The following TG variants were observed in gnomAD, a reference collection of about 807,000 sequenced individuals.
TG encodes thyroglobulin, also known as thyroid hormones.
TG carries 270 observed loss-of-function variants against 324.7 expected under a neutral mutation model. The ratio of observed to expected loss-of-function variants is 0.83; its 90% CI spans 0.75 to 0.92. TG has a LOEUF of 0.92. Among genes scored for constraint, TG ranks in the 40% least tolerant of loss-of-function variants. The pLI is 0.00. For missense variants in TG, 3,591 were observed against 3,456.4 expected (o/e 1.04, Z -0.98); for synonymous variants, 1,401 against 1,327.0 (o/e 1.06, Z -1.21).
chr8:133,124,762 T>G (rs1851394947), intron 45 of TG, among the ~76,000 whole-genome samples: 1 of 152,208 alleles, frequency 6.6e-6, no homozygotes, highest in Admixed American at 6.5e-5. Context: ...TGATAAGTTG[T>G]CCCAACCCTG....
chr8:133,054,831 G>A (rs1364352719), intron 41 of TG, among the ~76,000 whole-genome samples: 1 of 152,192 alleles, frequency 6.6e-6, no homozygotes, highest in Non-Finnish European at 1.5e-5. Context: ...AGGCCTTACG[G>A]GACTTAGTCA....
At chr8:132,963,620 A>G (rs184490408) in intron 29 of TG, among the ~76,000 whole-genome samples, 1 of 151,984 alleles carries the variant, frequency 6.6e-6, no homozygotes, top group Non-Finnish European at 1.5e-5. Context: ...TCAGCTGCTC[A>G]ATATGGGCTC....
intron 35 of TG, among the ~76,000 whole-genome samples, chr8:132,988,340 T>A (rs184872956): frequency 1.3e-5 from 2 of 152,210 alleles, no homozygotes; most frequent in South Asian, 2.1e-4. Context: ...GGGCACTGCA[T>A]GTGTGGAAGC....
chr8:132,892,663 A>G (rs1053953774), intron 10 of TG, among the ~76,000 whole-genome samples: 3 of 151,894 alleles, frequency 2.0e-5, no homozygotes, highest in Non-Finnish European at 2.9e-5. Flanking sequence ...TAGTGTGTGT[A>G]TGTGTGTGCT....
At chr8:133,038,709 T>C (rs777143092) in intron 41 of TG, 4 of 1,614,050 alleles carry the variant, frequency 2.5e-6, no homozygotes, top group Non-Finnish European at 2.5e-6. Context: ...CCAAGCGGGT[T>C]CTCTGTTCCC....
intron 40 of TG, 132 bp from the exon 41 acceptor site, chr8:133,029,689 T>C: frequency 6.6e-6 from 7 of 1,066,748 alleles, no homozygotes; most frequent in Non-Finnish European, 8.5e-6. Context: ...GAACCCACAG[T>C]CTCTACCTGT....
chr8:132,945,213 G>T (rs560473211), intron 26 of TG, among the ~76,000 whole-genome samples: 1 of 152,148 alleles, frequency 6.6e-6, no homozygotes, highest in Non-Finnish European at 1.5e-5. Flanking sequence ...AGAAACTGTC[G>T]CAGTAGTCCA....
chr8:133,020,190 C>G (rs1453210790), intron 39 of TG, among the ~76,000 whole-genome samples: 3 of 152,164 alleles, frequency 2.0e-5, no homozygotes, highest in African/African-American at 7.2e-5. Context: ...CGCCGTGTTC[C>G]AAAGCCAGTG....
chr8:133,112,320 T>C (rs1216601994), intron 43 of TG, among the ~76,000 whole-genome samples: 1 of 152,170 alleles, frequency 6.6e-6, no homozygotes, highest in Non-Finnish European at 1.5e-5. Context: ...TTACATAAGG[T>C]CCTAGAAATA....
At chr8:133,000,113 C>T (rs1281466149) in intron 35 of TG, among the ~76,000 whole-genome samples, 2 of 152,210 alleles carry the variant, frequency 1.3e-5, no homozygotes, top group East Asian at 1.9e-4. Flanking sequence ...AGAGCTCAGG[C>T]TCTGGAGGTT....
chr8:133,019,895 G>A (rs1349244675), intron 39 of TG, among the ~76,000 whole-genome samples, 200 bp downstream of exon 39: 1 of 152,248 alleles, frequency 6.6e-6, no homozygotes, highest in Non-Finnish European at 1.5e-5. Flanking sequence ...GCTAGAACCA[G>A]TGAGTGGTGA....
At chr8:132,893,594 G>A in intron 10 of TG, 96 bp from the exon 11 acceptor site, 1 of 1,538,282 alleles carries the variant, frequency 6.5e-7, no homozygotes, top group South Asian at 1.1e-5. Context: ...TGTGTGTGGT[G>A]TGTATGTGTG....
chr8:132,986,671 G>A (rs972251050), intron 35 of TG, among the ~76,000 whole-genome samples: 2 of 152,024 alleles, frequency 1.3e-5, no homozygotes, highest in Non-Finnish European at 2.9e-5. Context: ...TATAAAAATA[G>A]CAAAGTGAAC....
intron 20 of TG, among the ~76,000 whole-genome samples, chr8:132,915,835 C>G (rs1392232253): frequency 6.6e-6 from 1 of 152,214 alleles, no homozygotes; most frequent in African/African-American, 2.4e-5. Flanking sequence ...TAGCCTTTAA[C>G]TGACTCACAA....
In TG at chr8:133,095,069, C is replaced by T. The variant is rs751428040; in HGVS notation, c.7265C>T (p.Ala2422Val). The part of the protein sequence containing the change: ...LMGGSALSPA[A>V]VISHERAQQQ... ...GGAGGCTCCGCACTCTCCCCGGCCG[C>T]CGTCATCAGCCATGAGAGGGCTCAG... is the stretch of plus-strand genomic sequence containing the variant. The change falls in exon 42 of 48, where the codon GCC (alanine) becomes GTC (valine). Residue 2422 changes from alanine (A) to valine (V), a missense_variant. Physicochemically the swap from Ala to Val is moderately conservative, Grantham distance 64 (BLOSUM62 0). Transcript: ENST00000220616. 1.9e-6 allele frequency: 3 copies of T among 1,613,910 alleles called. No individual in the cohort carries two copies. Among genetic ancestry groups the T allele is most frequent in the Non-Finnish European group, 2.5e-6 (3 of 1,180,048 alleles).
At chr8:133,059,554 C>T (rs1042829370) in intron 41 of TG, among the ~76,000 whole-genome samples, 3 of 152,034 alleles carry the variant, frequency 2.0e-5, no homozygotes, top group Admixed American at 1.3e-4. Flanking sequence ...AGGCTCTTCC[C>T]CCGAGAATGC....
In TG at chr8:132,923,235, A is replaced by T. The variant is rs1821353546; in HGVS notation, c.4529-103A>T. 2.4e-6 allele frequency: 3 copies of T among 1,247,064 alleles called. No individual in the cohort carries two copies. The South Asian group carries it at 3.7e-5, about 15-fold the overall frequency. 77.2% of individuals were successfully genotyped at this position (1,247,064 alleles called of 1,614,324 possible). Reference sequence around the variant, plus strand: ...TTTTAAGCTGGAATGTCTGAGTTAGATGTGTGACTTGGACACCTTGTCAAT... The same window carrying T: ...TTTTAAGCTGGAATGTCTGAGTTAGTTGTGTGACTTGGACACCTTGTCAAT... On this transcript the variant is annotated intron_variant, in intron 21 of 47. Transcript: ENST00000220616.
chr8:133,013,686 A>C lies in TG; in HGVS notation c.6484A>C (p.Ser2162Arg). 6.2e-7 allele frequency: 1 copy of C among 1,614,198 alleles called. No individual in the cohort carries two copies. The highest frequency in any genetic ancestry group is 8.5e-7 in the Non-Finnish European group (1 of 1,180,040). ...ATGTATGTTCTATGCTGATACTCAA[A>C]GCTGCACACATAGTCTGCAGGGTCA... ...VRCMFYADTQ[S>R]CTHSLQGQNC... Residue 2162 changes from serine to arginine, a missense_variant, in exon 37 of 48, where the codon AGC (serine) becomes CGC (arginine). Ser to Arg is a moderately radical substitution (Grantham distance 110, BLOSUM62 -1). Coordinates refer to ENST00000220616, the MANE Select transcript of TG (RefSeq NM_003235.5).
chr8:133,092,838 G>A (rs929245766), intron 41 of TG, among the ~76,000 whole-genome samples: 3 of 152,166 alleles, frequency 2.0e-5, no homozygotes, highest in African/African-American at 7.2e-5. Flanking sequence ...TTTCCACGGT[G>A]AAAAAGGTTT....
Sources: allele counts gnomAD v4.1 joint callset (sites outside exome capture counted in the v4.1 genomes callset), GRCh38; gene constraint gnomAD v4.1.1; transcripts MANE v1.5; gene names NCBI Gene and HGNC (gene_info 2026-07-23, HGNC 2026-07-21).